PARD3: variants seen among roughly 807,000 people sequenced by gnomAD.
The protein encoded by PARD3 is partitioning defective 3 homolog.
A neutral mutation model predicts 155.4 loss-of-function variants in PARD3; 75 were observed. The observed-to-expected ratio is 0.48, with a 90% CI of 0.40 to 0.58. The LOEUF is 0.58. PARD3 is among the 20% of genes least tolerant of loss of function. The pLI is 0.00. For missense variants in PARD3, 1,642 were observed against 1,721.7 expected (o/e 0.95, Z 0.82); for synonymous variants, 576 against 610.5 (o/e 0.94, Z 0.83).
chr10:34,541,655 C>T (rs1421215019), intron 2 of PARD3, among the ~76,000 whole-genome samples: 2 of 152,192 alleles, frequency 1.3e-5, no homozygotes, highest in African/African-American at 2.4e-5. Flanking sequence ...GGTGCCTAAA[C>T]TGCAGCTAAT....
At chr10:34,606,501 T>C (rs2090451254) in intron 2 of PARD3, among the ~76,000 whole-genome samples, 1 of 151,912 alleles carries the variant, frequency 6.6e-6, no homozygotes, top group South Asian at 2.1e-4. Flanking sequence ...GCTACATTTT[T>C]ATAAAAGTTG....
chr10:34,316,590 T>C (rs1290368658), intron 20 of PARD3, among the ~76,000 whole-genome samples: 2 of 152,186 alleles, frequency 1.3e-5, no homozygotes, highest in Non-Finnish European at 2.9e-5. Context: ...TAACTTGAGC[T>C]CTATGTTTAA....
intron 22 of PARD3, among the ~76,000 whole-genome samples, chr10:34,136,401 T>G (rs1020540030): frequency 6.6e-6 from 1 of 152,218 alleles, no homozygotes; most frequent in Non-Finnish European, 1.5e-5. Flanking sequence ...TAAAAATGCT[T>G]TAACATTTGC....
chr10:34,508,490 C>A (rs909809151), intron 3 of PARD3, among the ~76,000 whole-genome samples: 5 of 151,996 alleles, frequency 3.3e-5, no homozygotes, highest in Non-Finnish European at 5.9e-5. Context: ...ATGACCTAAA[C>A]CTGGGCTACC....
At position 34,657,528 on chromosome 10, in the gene PARD3, T is replaced by TTTTGTTTG. The variant is rs113292161; in HGVS notation, c.222+38782_222+38789dup. 5.1e-3 allele frequency among the ~76,000 whole-genome samples: 771 copies of TTTTGTTTG among 150,340 alleles called. 3 individuals carry two copies. The highest frequency in any genetic ancestry group is 0.017 in the South Asian group (79 of 4,714). On this transcript the variant is annotated intron_variant, in intron 2 of 24. Transcript: ENST00000374788. The stretch of plus-strand genomic sequence containing the variant: ...GTCACCTTTCTGCTTCTCAGTTTTG[T>TTTTGTTTG]TTTGTTTGTTTGTTTGTTTGTTTGT...
chr10:34,584,883 T>G (rs1374325912), intron 2 of PARD3, among the ~76,000 whole-genome samples: 1 of 152,154 alleles, frequency 6.6e-6, no homozygotes, highest in Non-Finnish European at 1.5e-5. Context: ...GGTCTTCCCC[T>G]CTCTTGTTCC....
intron 2 of PARD3, among the ~76,000 whole-genome samples, chr10:34,552,559 G>C (rs1389253505): frequency 6.6e-6 from 1 of 152,054 alleles, no homozygotes. Flanking sequence ...AATAAGAAAA[G>C]AAAAATTAGC....
At chr10:34,136,135 C>T (rs1370026326) in intron 22 of PARD3, among the ~76,000 whole-genome samples, 1 of 152,178 alleles carries the variant, frequency 6.6e-6, no homozygotes, top group Admixed American at 6.5e-5. Context: ...GTCGCTTCTC[C>T]AGGCTATTTA....
chr10:34,564,577 G>A (rs76570693), intron 2 of PARD3, among the ~76,000 whole-genome samples: 10 of 152,298 alleles, frequency 6.6e-5, no homozygotes, highest in South Asian at 4.2e-4. Flanking sequence ...TCTGTGATTC[G>A]GAAAAGAGCT....
At chr10:34,290,130 T>A (rs1226670221) in intron 20 of PARD3, among the ~76,000 whole-genome samples, 1 of 152,170 alleles carries the variant, frequency 6.6e-6, no homozygotes, top group Non-Finnish European at 1.5e-5. Context: ...TAGAGGTCTT[T>A]AGAAAAAAAT....
intron 2 of PARD3, among the ~76,000 whole-genome samples, chr10:34,692,220 G>A (rs1296264499): frequency 6.2e-5 from 7 of 112,848 alleles, no homozygotes; most frequent in Admixed American, 9.9e-5. Flanking sequence ...TGATAAGAGC[G>A]AGACTTCATT....
chr10:34,647,496 C>T (rs1347493626), intron 2 of PARD3, among the ~76,000 whole-genome samples: 4 of 152,156 alleles, frequency 2.6e-5, no homozygotes, highest in Admixed American at 2.0e-4. Flanking sequence ...ACAACGAAAA[C>T]GTTAAGGACT....
At chr10:34,776,287 A>T (rs896935096) in intron 1 of PARD3, among the ~76,000 whole-genome samples, 1 of 152,240 alleles carries the variant, frequency 6.6e-6, no homozygotes, top group African/African-American at 2.4e-5. Flanking sequence ...AATTTTGACA[A>T]GTCCAAGAAA....
chr10:34,164,197 A>C (rs946235516), intron 22 of PARD3, among the ~76,000 whole-genome samples: 6 of 152,246 alleles, frequency 3.9e-5, no homozygotes, highest in African/African-American at 1.4e-4. Context: ...GCCATAAAAA[A>C]AACCTGCTTC....
chr10:34,262,067 T>C (rs1456904319), intron 22 of PARD3, among the ~76,000 whole-genome samples: 2 of 152,108 alleles, frequency 1.3e-5, no homozygotes, highest in Non-Finnish European at 1.5e-5. Flanking sequence ...CCAAGAGTAA[T>C]ATTTTCCAAA....
rs191634316 is a variant in PARD3, at chr10:34,689,523, T to C, written c.222+6795A>G. Among the ~76,000 whole-genome samples, 109 of 152,304 alleles carry C rather than the reference T, an allele frequency of 7.2e-4. No individual in the cohort carries two copies. In the East Asian group the frequency reaches 0.016, roughly 22 times the overall value. On this transcript the variant is annotated intron_variant, in intron 2 of 24. Coordinates refer to ENST00000374788, the MANE Select transcript of PARD3 (RefSeq NM_001184785.2). Reference sequence around the variant, plus strand: ...CGGCTTTAAAAGCTACTTCAGTCTATGGTATAAGGTGCTCTAGCATTTTTC... The same window carrying C: ...CGGCTTTAAAAGCTACTTCAGTCTACGGTATAAGGTGCTCTAGCATTTTTC...
intron 4 of PARD3, among the ~76,000 whole-genome samples, chr10:34,458,723 A>AT (rs2077465010): frequency 6.6e-6 from 1 of 152,212 alleles, no homozygotes; most frequent in Non-Finnish European, 1.5e-5. Context: ...TTTAACGTTT[A>AT]TAAAAAATTA....
chr10:34,667,990 T>G (rs528980543), intron 2 of PARD3, among the ~76,000 whole-genome samples: 5 of 152,200 alleles, frequency 3.3e-5, no homozygotes, highest in Non-Finnish European at 4.4e-5. Flanking sequence ...TAATGGTGCA[T>G]GTCTCCTGCT....
intron 2 of PARD3, among the ~76,000 whole-genome samples, chr10:34,577,375 A>C (rs971187591): frequency 4.6e-5 from 7 of 152,232 alleles, no homozygotes; most frequent in African/African-American, 1.7e-4. Flanking sequence ...GAATTTGCTT[A>C]ATCCTCTTAG....
Sources: allele counts gnomAD v4.1 joint callset (sites outside exome capture counted in the v4.1 genomes callset), GRCh38; gene constraint gnomAD v4.1.1; transcripts MANE v1.5; gene names NCBI Gene and HGNC (gene_info 2026-07-23, HGNC 2026-07-21).